Variants in MNAT1 observed in about 807,000 individuals in gnomAD.
MNAT1 encodes the protein MNAT1 component of CDK activating kinase, also known as CDK-activating kinase assembly factor MAT1.
In MNAT1, 43 loss-of-function variants were observed where a neutral mutation model predicts 42.0. That is an observed-to-expected ratio of 1.02 (90% confidence interval 0.80 to 1.32). The LOEUF is 1.32. Ranked by LOEUF, MNAT1 falls within the 40% of genes most tolerant of loss-of-function variation. The pLI is 0.00. For missense variants in MNAT1, 306 were observed against 350.4 expected (o/e 0.87, Z 1.01); for synonymous variants, 118 against 120.0 (o/e 0.98, Z 0.11).
rs1187371805 is a variant in MNAT1, at chr14:60,943,032, G to T, written c.810-25197G>T. ...TGTGTGTGTGTGTGTGTGTGTGTGT[G>T]TGTGTGTGTGTGTGTGTGCGCTTTT... On this transcript the variant is annotated intron_variant, in intron 7 of 7. Coordinates refer to ENST00000261245, the MANE Select transcript of MNAT1 (RefSeq NM_002431.4). 2.2e-4 allele frequency among the ~76,000 whole-genome samples: 29 copies of T among 129,706 alleles called. 1 individual carries two copies. The highest frequency in any genetic ancestry group is 8.1e-4 in the African/African-American group (27 of 33,240). 85.1% of individuals were successfully genotyped at this position (129,706 alleles called of 152,430 possible). A position where few individuals can be genotyped will look rare whatever the true frequency, so the allele number is the denominator to read the frequency against.
intron 7 of MNAT1, among the ~76,000 whole-genome samples, chr14:60,927,024 C>T (rs1385603449): frequency 6.6e-6 from 1 of 152,174 alleles, no homozygotes. Context: ...TTCTCCTTGC[C>T]ACCCTATCTA....
intron 7 of MNAT1, among the ~76,000 whole-genome samples, chr14:60,913,163 G>A (rs963664580): frequency 1.2e-4 from 19 of 152,044 alleles, no homozygotes; most frequent in African/African-American, 4.3e-4. Flanking sequence ...TTTTGCCTTG[G>A]TTTTCAGCTC....
rs574753814 is a variant in MNAT1 at position 60,914,816 on chromosome 14, G to A, written c.809+34981G>A. Among the ~76,000 whole-genome samples the A allele has an allele frequency of 9.2e-5, 14 of 152,296 alleles. No homozygotes were observed. In the South Asian group the frequency reaches 1.9e-3, roughly 20 times the overall value. On this transcript the variant is annotated intron_variant, in intron 7 of 7. Coordinates refer to ENST00000261245, the MANE Select transcript of MNAT1 (RefSeq NM_002431.4). ...CTATATAGAAGGTTAAAAGAAGTGCGATTATTGAAGCTAGAATCAAATGGC... is the reference window on the plus strand; with the variant it reads ...CTATATAGAAGGTTAAAAGAAGTGCAATTATTGAAGCTAGAATCAAATGGC...
intron 7 of MNAT1, among the ~76,000 whole-genome samples, chr14:60,962,748 A>G (rs1024966313): frequency 5.9e-5 from 9 of 152,304 alleles, no homozygotes; most frequent in African/African-American, 1.9e-4. Context: ...TTTGGAAACC[A>G]TGTGTCTTTT....
At chr14:60,827,543 T>C (rs2033088859) in intron 6 of MNAT1, among the ~76,000 whole-genome samples, 1 of 152,318 alleles carries the variant, frequency 6.6e-6, no homozygotes, top group East Asian at 1.9e-4. Context: ...TTATGTCCTG[T>C]AAAGCCATAA....
chr14:60,745,361 T>C (rs985840868), intron 1 of MNAT1, among the ~76,000 whole-genome samples: 1 of 152,206 alleles, frequency 6.6e-6, no homozygotes, highest in African/African-American at 2.4e-5. Flanking sequence ...CTTACTGTTG[T>C]TAAGCATTTA....
chr14:60,794,392 T>A (rs1161906141), intron 1 of MNAT1, among the ~76,000 whole-genome samples: 1 of 151,580 alleles, frequency 6.6e-6, no homozygotes, highest in Non-Finnish European at 1.5e-5. Flanking sequence ...AGGCCAGGAG[T>A]GGTGGCTCAT....
intron 7 of MNAT1, among the ~76,000 whole-genome samples, chr14:60,934,444 T>A: frequency 6.6e-6 from 1 of 152,270 alleles, no homozygotes; most frequent in African/African-American, 2.4e-5. Context: ...CGAATTTCCA[T>A]GTGTCGTGGG....
chr14:60,942,193 A>G (rs1036120241), intron 7 of MNAT1, among the ~76,000 whole-genome samples: 1 of 152,094 alleles, frequency 6.6e-6, no homozygotes, highest in African/African-American at 2.4e-5. Context: ...ATTACCGTTA[A>G]GTTGTCTGTC....
At chr14:60,859,381 A>T (rs541316576) in intron 6 of MNAT1, among the ~76,000 whole-genome samples, 1 of 152,330 alleles carries the variant, frequency 6.6e-6, no homozygotes, top group South Asian at 2.1e-4. Flanking sequence ...ATTTATAGAC[A>T]TTCACATTAC....
At chr14:60,868,767 C>T (rs2034259166) in intron 6 of MNAT1, among the ~76,000 whole-genome samples, 1 of 151,916 alleles carries the variant, frequency 6.6e-6, no homozygotes, top group African/African-American at 2.4e-5. Flanking sequence ...CTGGAAAACA[C>T]ATTCACAGCC....
At chr14:60,940,638 C>A (rs1566570389) in intron 7 of MNAT1, among the ~76,000 whole-genome samples, 1 of 152,106 alleles carries the variant, frequency 6.6e-6, no homozygotes, top group African/African-American at 2.4e-5. Context: ...TGGATGGTCT[C>A]AATCTTCTGA....
intron 6 of MNAT1, among the ~76,000 whole-genome samples, chr14:60,848,665 T>C (rs1452133297): frequency 6.6e-6 from 1 of 152,168 alleles, no homozygotes; most frequent in Non-Finnish European, 1.5e-5. Flanking sequence ...TTTTTCTTGC[T>C]TCATGGGATT....
chr14:60,754,639 G>A (rs921319591), intron 1 of MNAT1, among the ~76,000 whole-genome samples: 12 of 152,070 alleles, frequency 7.9e-5, no homozygotes, highest in East Asian at 5.8e-4. Context: ...GTGAGCCACC[G>A]CGCCTGGCAA....
At position 60,833,818 on chromosome 14, in the gene MNAT1, G is replaced by T. The variant is rs907139431; in HGVS notation, c.687+14971G>T. The stretch of plus-strand genomic sequence containing the variant: ...TCTGTATGTTCCTGGGCTTTTTTTG[G>T]TTGGTAGGCTATTAATTACTGCCTC... On this transcript the variant is annotated intron_variant, in intron 6 of 7. Transcript: ENST00000261245. Among the ~76,000 whole-genome samples, 45 of 152,038 alleles carry T rather than the reference G, an allele frequency of 3.0e-4. 1 individual carries two copies. The highest frequency in any genetic ancestry group is 1.8e-3 in the Admixed American group (28 of 15,258).
chr14:60,912,821 G>A (rs926653512), intron 7 of MNAT1, among the ~76,000 whole-genome samples: 12 of 152,044 alleles, frequency 7.9e-5, no homozygotes, highest in Admixed American at 6.6e-4. Flanking sequence ...TGCTCTTCTC[G>A]AGGAGTATCT....
intron 6 of MNAT1, among the ~76,000 whole-genome samples, chr14:60,824,342 C>T (rs1367646631): frequency 6.6e-6 from 1 of 152,104 alleles, no homozygotes; most frequent in South Asian, 2.1e-4. Flanking sequence ...CATATGTGTA[C>T]TAGCTATTAG....
chr14:60,867,142 G>T (rs1196669658), intron 6 of MNAT1, among the ~76,000 whole-genome samples: 5 of 152,074 alleles, frequency 3.3e-5, no homozygotes, highest in African/African-American at 9.7e-5. Flanking sequence ...TATTTCTAAT[G>T]TTGAGCAAGA....
chr14:60,877,291 C>T (rs1477074007), intron 6 of MNAT1, among the ~76,000 whole-genome samples: 1 of 151,904 alleles, frequency 6.6e-6, no homozygotes, highest in East Asian at 1.9e-4. Context: ...TGGTGAAGTA[C>T]TTTTGACATT....
Sources: gnomAD v4.1 joint callset for allele counts (sites outside exome capture counted in the v4.1 genomes callset) on GRCh38, gnomAD v4.1.1 for gene constraint, MANE v1.5 for transcripts, NCBI Gene and HGNC (gene_info 2026-07-23, HGNC 2026-07-21) for gene names.